The following EHMT1 variants were observed in gnomAD, a reference collection of about 807,000 sequenced individuals.
EHMT1 encodes histone-lysine N-methyltransferase EHMT1.
A neutral mutation model predicts 147.2 loss-of-function variants in EHMT1; 15 were observed. That is an observed-to-expected ratio of 0.10 (90% confidence interval 0.07 to 0.16). The LOEUF is 0.16. Among genes scored for constraint, EHMT1 ranks in the 10% least tolerant of loss-of-function variants. EHMT1 has a pLI of 1.00. For missense variants in EHMT1, 1,587 were observed against 1,772.4 expected, an observed-to-expected ratio of 0.90 and a Z score of 1.88; for synonymous variants, 795 against 709.6, an observed-to-expected ratio of 1.12 and a Z score of -1.91.
At chr9:137,620,495 A>T (rs1031130034) in intron 1 of EHMT1, among the ~76,000 whole-genome samples, 1 of 152,150 alleles carries the variant, frequency 6.6e-6, no homozygotes, top group African/African-American at 2.4e-5. Context: ...TGCTCACTGC[A>T]GCTTCGACCA....
rs79011373 is a variant in EHMT1 at position 137,809,365 on chromosome 9, G to A, written c.2713-2096G>A. ...AAGAGCCCGCGTCCTTCTCTCTTGG[G>A]GGTGACCCTGCCTACCTGCAGAGCC... On this transcript the variant is annotated intron_variant, in intron 18 of 26. Transcript: ENST00000460843. Among the ~76,000 whole-genome samples the A allele has an allele frequency of 9.0e-3, 1,367 of 152,352 alleles. 21 individuals are homozygous for A. The highest frequency in any genetic ancestry group is 0.031 in the African/African-American group (1,288 of 41,578).
chr9:137,676,132 C>T (rs1941280475), intron 1 of EHMT1: 2 of 149,574 alleles, frequency 1.3e-5, no homozygotes, highest in East Asian at 2.0e-4. Flanking sequence ...GTTGGCCAGG[C>T]TGGTCTTGAA....
At position 137,776,537 on chromosome 9, in the gene EHMT1, G is replaced by T. The variant is rs1159048490; in HGVS notation, c.1792-81G>T. 1.4e-6 allele frequency: 2 copies of T among 1,425,582 alleles called. No homozygotes were observed. Among genetic ancestry groups the T allele is most frequent in the Non-Finnish European group, 1.9e-6 (2 of 1,026,738 alleles). The allele number at this position is 1,425,582 out of a possible 1,614,324, so 88.3% of individuals were successfully genotyped here. On this transcript the variant is annotated intron_variant, in intron 11 of 26. Transcript: ENST00000460843. This position sits in a 1 kb window ranked among gnomAD's most constrained non-coding sequence, Gnocchi z 4.4. ...TGCAGACCGCCCGATGTGGGATGCGGTGCCAGTTTAGTAGTACTTTATTTT... is the reference window on the plus strand; with the variant it reads ...TGCAGACCGCCCGATGTGGGATGCGTTGCCAGTTTAGTAGTACTTTATTTT...
intron 1 of EHMT1, among the ~76,000 whole-genome samples, chr9:137,698,299 T>C (rs940536003): frequency 6.6e-6 from 1 of 152,268 alleles, no homozygotes; most frequent in African/African-American, 2.4e-5. Flanking sequence ...GAGGTAACTG[T>C]GATGTAGATG....
In EHMT1 at chr9:137,725,089, C is replaced by T. The variant is rs944877361; in HGVS notation, c.643-3260C>T. ...CATTTGTGTGGCATTCATGGGCAGG[C>T]GTGTGGCATTCCTGGGGCAGGCGTG... On this transcript the variant is annotated intron_variant, in intron 3 of 26. Transcript: ENST00000460843. 5.7e-5 allele frequency among the ~76,000 whole-genome samples: 8 copies of T among 139,558 alleles called. No homozygotes were observed. The East Asian group carries it at 6.6e-4, about 11-fold the overall frequency. 91.6% of individuals were successfully genotyped at this position (139,558 alleles called of 152,430 possible). A position where few individuals can be genotyped will look rare whatever the true frequency, so the allele number is the denominator to read the frequency against.
In EHMT1 at chr9:137,722,971, CTGTGGTT is replaced by C. The variant is rs1253889833; in HGVS notation, c.643-5377_643-5371del. ...GCCTGAGCCGGGGGTGTGTCTGTGT[CTGTGGTT>C]CTAGGCCTGAGCCCGGGGTGTGTCT... On this transcript the variant is annotated intron_variant, in intron 3 of 26. Transcript: ENST00000460843. Among the ~76,000 whole-genome samples, 70 of 90,116 alleles carry C rather than the reference CTGTGGTT, an allele frequency of 7.8e-4. 4 individuals carry two copies. The highest frequency in any genetic ancestry group is 2.0e-3 in the African/African-American group (29 of 14,560). 59.1% of individuals were successfully genotyped at this position (90,116 alleles called of 152,430 possible). A position where few individuals can be genotyped will look rare whatever the true frequency, so the allele number is the denominator to read the frequency against.
At chr9:137,751,896 C>T (rs999317620) in intron 6 of EHMT1, among the ~76,000 whole-genome samples, 3 of 152,110 alleles carry the variant, frequency 2.0e-5, no homozygotes, top group African/African-American at 7.2e-5. Flanking sequence ...GTAGGTCTCA[C>T]ACTGTGTATT....
rs1954631774 is a variant in EHMT1 at position 137,813,191 on chromosome 9, A to G, written c.3035+18A>G. 6.2e-7 allele frequency: 1 copy of G among 1,605,812 alleles called. No homozygotes were observed. The highest frequency in any genetic ancestry group is 2.2e-5 in the East Asian group (1 of 44,866). On this transcript the variant is annotated intron_variant, in intron 20 of 26. Coordinates refer to ENST00000460843, the MANE Select transcript of EHMT1 (RefSeq NM_024757.5). The surrounding 1 kb of genome is among the most constrained non-coding windows in gnomAD (Gnocchi z 4.9). ...GTGAGCAGGTGAGCCCAGCCCCAGG[A>G]CGGCTTTGTGGCAAATCAGCGGTCA...
chr9:137,725,167 G>T (rs937217775), intron 3 of EHMT1, among the ~76,000 whole-genome samples: 1 of 150,844 alleles, frequency 6.6e-6, no homozygotes, highest in Non-Finnish European at 1.5e-5. Flanking sequence ...TGTGGCATTC[G>T]TGTGGCAGGC....
chr9:137,634,192 G>A (rs1032502407), intron 1 of EHMT1, among the ~76,000 whole-genome samples: 2 of 152,142 alleles, frequency 1.3e-5, no homozygotes, highest in Admixed American at 6.6e-5. Context: ...TTGTTTTCCA[G>A]TTGGTTTCTT....
At chr9:137,680,442 C>T (rs1047626640) in intron 1 of EHMT1, among the ~76,000 whole-genome samples, 3 of 152,160 alleles carry the variant, frequency 2.0e-5, no homozygotes, top group Non-Finnish European at 2.9e-5. Flanking sequence ...CACTGCACTC[C>T]AGCCTGGGCG....
chr9:137,776,938 C>T lies in EHMT1; in HGVS notation c.2018+94C>T, dbSNP rs1432676609. 2 of 1,214,820 alleles carry T rather than the reference C, an allele frequency of 1.6e-6. No homozygotes were observed. The allele number at this position is 1,214,820 out of a possible 1,614,324, so 75.3% of individuals were successfully genotyped here. On this transcript the variant is annotated intron_variant, in intron 12 of 26. Transcript: ENST00000460843. The surrounding 1 kb of genome is among the most constrained non-coding windows in gnomAD (Gnocchi z 4.4). The stretch of plus-strand genomic sequence containing the variant: ...CGTTATTGCTTCCTGCTGTTTTTTC[C>T]AGAAGTCTCTGAGCTGATGCTGATG...
chr9:137,767,281 G>A (rs555185347), intron 10 of EHMT1, among the ~76,000 whole-genome samples: 1 of 152,270 alleles, frequency 6.6e-6, no homozygotes, highest in South Asian at 2.1e-4. Context: ...ATGCCTGGTG[G>A]TTTTGCCCTT....
intron 2 of EHMT1, among the ~76,000 whole-genome samples, chr9:137,712,536 A>G (rs529319227): frequency 4.9e-4 from 75 of 152,322 alleles, no homozygotes; most frequent in African/African-American, 1.7e-3. Flanking sequence ...CCTGACGGCC[A>G]GTGATGTTGA....
intron 15 of EHMT1, chr9:137,785,621 T>G (rs7390131): frequency 6.6e-6 from 1 of 152,224 alleles, no homozygotes; most frequent in South Asian, 2.1e-4. Flanking sequence ...GAATTTAGCT[T>G]GTCACTCCTT....
At chr9:137,678,017 C>T (rs565537767) in intron 1 of EHMT1, among the ~76,000 whole-genome samples, 2 of 152,090 alleles carry the variant, frequency 1.3e-5, no homozygotes, top group East Asian at 1.9e-4. Flanking sequence ...TGCAGTGAAC[C>T]AAGATGGCGC....
chr9:137,667,967 A>G (rs934508603), intron 1 of EHMT1, among the ~76,000 whole-genome samples: 3 of 152,196 alleles, frequency 2.0e-5, no homozygotes, highest in African/African-American at 7.2e-5. Context: ...CAGATGGCAC[A>G]TAGGACCTCT....
chr9:137,707,430 G>T (rs938834580), intron 1 of EHMT1, among the ~76,000 whole-genome samples: 2 of 152,196 alleles, frequency 1.3e-5, no homozygotes, highest in East Asian at 3.9e-4. Flanking sequence ...CTCCTCCCCG[G>T]TGCCCCCTTT....
chr9:137,832,313 G>A (rs1396479666), intron 25 of EHMT1, among the ~76,000 whole-genome samples: 1 of 144,508 alleles, frequency 6.9e-6, no homozygotes, highest in Admixed American at 6.9e-5. Flanking sequence ...TCCTAGAATT[G>A]GCTGGGCTCC....
Sources: allele counts gnomAD v4.1 joint callset (sites outside exome capture counted in the v4.1 genomes callset), GRCh38; gene constraint gnomAD v4.1.1; non-coding constraint Gnocchi (gnomAD v3.1); transcripts MANE v1.5; gene names NCBI Gene and HGNC (gene_info 2026-07-23, HGNC 2026-07-21).